Variants in COQ8A observed in about 807,000 individuals in gnomAD.
COQ8A encodes the protein atypical kinase COQ8A, mitochondrial.
Under a neutral mutation model 65.0 loss-of-function variants are expected in COQ8A, and 51 were observed. The ratio of observed to expected loss-of-function variants is 0.78; its 90% confidence interval spans 0.63 to 0.99. COQ8A has a LOEUF of 0.99. COQ8A is among the 50% of genes least tolerant of loss of function. The pLI is 0.00. For missense variants in COQ8A, 940 were observed against 875.0 expected, an observed-to-expected ratio of 1.07 and a Z score of -0.94; for synonymous variants, 371 against 353.2, an observed-to-expected ratio of 1.05 and a Z score of -0.57.
intron 11 of COQ8A, 75 bp from the exon 12 acceptor site, chr1:226,984,473 C>A: frequency 7.1e-7 from 1 of 1,403,404 alleles, no homozygotes; most frequent in Non-Finnish European, 1.0e-6. Context: ...GAGGCAGGGG[C>A]TTCTCTGGCC....
chr1:226,983,888 C>T lies in COQ8A; in HGVS notation c.1256+34C>T, dbSNP rs546725116. On this transcript the variant is annotated intron_variant, in intron 10 of 14. Coordinates refer to ENST00000366777, the MANE Select transcript of COQ8A (RefSeq NM_020247.5). Reference sequence around the variant, plus strand: ...CCCGGCCGGGCCCCTTGCGTGTTTGCACCAGGGAGGCAGAAGGGACCATGT... The same window carrying T: ...CCCGGCCGGGCCCCTTGCGTGTTTGTACCAGGGAGGCAGAAGGGACCATGT... The T allele has an allele frequency of 3.1e-6, 5 of 1,595,842 alleles. No individual in the cohort carries two copies. The African/African-American group carries it at 6.7e-5, about 21-fold the overall frequency.
intron 5 of COQ8A, among the ~76,000 whole-genome samples, chr1:226,981,378 A>G (rs1333414541): frequency 2.0e-5 from 3 of 152,156 alleles, no homozygotes; most frequent in African/African-American, 4.8e-5. Flanking sequence ...TGGACTGGAA[A>G]AAGGCCACCT....
At position 226,984,721 on chromosome 1, in the gene COQ8A, CCCTGGACTGCCCCTTGT is replaced by C; in HGVS notation, c.1506+72_1506+88del. ...GCTTCTCCGAATGGGGCACGTGAGG[CCCTGGACTGCCCCTTGT>C]CCTGGGAAAGTCAGCAGAGAGCTCA... On this transcript the variant is annotated intron_variant, in intron 12 of 14. Coordinates refer to ENST00000366777, the MANE Select transcript of COQ8A (RefSeq NM_020247.5). The C allele has an allele frequency of 2.6e-6, 4 of 1,527,266 alleles. No individual in the cohort carries two copies. The South Asian group carries it at 4.5e-5, about 17-fold the overall frequency. 94.6% of individuals were successfully genotyped at this position (1,527,266 alleles called of 1,614,324 possible). A position where few individuals can be genotyped will look rare whatever the true frequency, so the allele number is the denominator to read the frequency against.
chr1:226,978,159 A>G (rs532874730), intron 5 of COQ8A, among the ~76,000 whole-genome samples: 1 of 144,292 alleles, frequency 6.9e-6, no homozygotes, highest in South Asian at 2.2e-4. Flanking sequence ...CCCTCCACAC[A>G]CCCACGCACC....
At chr1:226,980,709 A>G (rs1305381027) in intron 5 of COQ8A, among the ~76,000 whole-genome samples, 1 of 152,048 alleles carries the variant, frequency 6.6e-6, no homozygotes, top group Non-Finnish European at 1.5e-5. Context: ...AACATCTCCC[A>G]CCTTCACAGG....
intron 5 of COQ8A, among the ~76,000 whole-genome samples, chr1:226,981,773 T>C (rs966581301): frequency 2.6e-5 from 4 of 152,166 alleles, no homozygotes; most frequent in Admixed American, 2.0e-4. Flanking sequence ...GCCCTTTGTG[T>C]GTGTGCGTTT....
chr1:226,986,534 CAG>C lies in COQ8A; in HGVS notation c.1744_1745del (p.Ser582HisfsTer147). On this transcript the variant is annotated frameshift_variant, in exon 15 of 15. Coordinates refer to ENST00000366777, the MANE Select transcript of COQ8A (RefSeq NM_020247.5). LOFTEE classifies it high-confidence loss of function. ...ASDEPFDFGT[Q>X]STTEKIHNLI... ...TGATGAGCCTTTTGATTTTGGCACT[CAG>C]AGCACCACCGAGAAGATCCACAACC... 1.9e-6 allele frequency: 3 copies of C among 1,606,666 alleles called. No individual in the cohort carries two copies. The highest frequency in any genetic ancestry group is 1.1e-5 in the South Asian group (1 of 90,622).
chr1:226,949,334 G>C lies in COQ8A; in HGVS notation c.-10+8935G>C, dbSNP rs772089739. On this transcript the variant is annotated intron_variant, in intron 1 of 14. Transcript: ENST00000366777. The surrounding 1 kb of genome is among the most constrained non-coding windows in gnomAD (Gnocchi z 4.0). ...AGCAACGCGTTGGCATGATGAACGT[G>C]GGTTTTTTTATAGGGAGAGGAATCT... 1.3e-5 allele frequency among the ~76,000 whole-genome samples: 2 copies of C among 152,000 alleles called. No individual in the cohort carries two copies. The highest frequency in any genetic ancestry group is 2.9e-5 in the Non-Finnish European group (2 of 68,014).
At chr1:226,962,379 C>A (rs958089541) in intron 2 of COQ8A, among the ~76,000 whole-genome samples, 1 of 152,204 alleles carries the variant, frequency 6.6e-6, no homozygotes, top group South Asian at 2.1e-4. Flanking sequence ...TCAGTGAAAT[C>A]GTGTGCTGGA....
intron 4 of COQ8A, among the ~76,000 whole-genome samples, chr1:226,967,545 CTGG>C (rs1218864210): frequency 6.6e-6 from 1 of 152,180 alleles, no homozygotes; most frequent in Non-Finnish European, 1.5e-5. Flanking sequence ...CCACGAAGTC[CTGG>C]CGAAGGAGGC....
At chr1:226,983,453 G>A in intron 8 of COQ8A, 99 bp from the exon 9 acceptor site, 2 of 1,142,244 alleles carry the variant, frequency 1.8e-6, no homozygotes, top group South Asian at 1.3e-5. Context: ...CTGGGGCCAG[G>A]ACACAGCTGG....
chr1:226,957,036 T>C (rs1199743674), intron 1 of COQ8A, among the ~76,000 whole-genome samples: 2 of 138,016 alleles, frequency 1.4e-5, no homozygotes, highest in Non-Finnish European at 3.1e-5. Flanking sequence ...TCGTTCACAC[T>C]CTCCCTGGCT....
chr1:226,977,041 C>A (rs957738910), intron 4 of COQ8A, among the ~76,000 whole-genome samples: 1 of 152,160 alleles, frequency 6.6e-6, no homozygotes, highest in Non-Finnish European at 1.5e-5. Context: ...AGACCTGAAG[C>A]GGGTGGTTGT....
intron 1 of COQ8A, among the ~76,000 whole-genome samples, chr1:226,945,656 CGCGATGCCTGTTGTAGCT>C (rs1350014322): frequency 2.6e-5 from 4 of 152,180 alleles, no homozygotes; most frequent in Non-Finnish European, 5.9e-5. Flanking sequence ...ATTGTGCTGC[CGCGATGCCTGTTGTAGCT>C]GCTGTTTACA....
At chr1:226,981,460 T>C (rs1023981655) in intron 5 of COQ8A, among the ~76,000 whole-genome samples, 1 of 152,194 alleles carries the variant, frequency 6.6e-6, no homozygotes, top group African/African-American at 2.4e-5. Flanking sequence ...CCTCTGTGGG[T>C]GGACGGGAGA....
chr1:226,985,357 GGGA>G lies in COQ8A; in HGVS notation c.1659+18_1659+20del, dbSNP rs781216331. ...GAGGTCAAGGTGAGCAGGGTTGCGG[GGGA>G]TCCCCTGGGCCTGCTGACCCAGGGC... On this transcript the variant is annotated intron_variant, in intron 14 of 14. Transcript: ENST00000366777. 8 of 1,612,466 alleles carry G rather than the reference GGGA, an allele frequency of 5.0e-6. No homozygotes were observed. Among genetic ancestry groups the G allele is most frequent in the Non-Finnish European group, 6.8e-6 (8 of 1,179,348 alleles).
intron 2 of COQ8A, among the ~76,000 whole-genome samples, chr1:226,962,296 C>T (rs978049025): frequency 3.3e-5 from 5 of 152,216 alleles, no homozygotes; most frequent in African/African-American, 1.2e-4. Flanking sequence ...ATCCCTGTGC[C>T]ATCTAGGGGA....
chr1:226,945,457 C>G (rs186098426), intron 1 of COQ8A, among the ~76,000 whole-genome samples: 1 of 152,192 alleles, frequency 6.6e-6, no homozygotes, highest in Non-Finnish European at 1.5e-5. Flanking sequence ...GTGCTTGGCA[C>G]ATTTTTTGTT....
Position 226,983,800 on chromosome 1 carries a change from A to T in COQ8A, c.1202A>T (p.Glu401Val). The stretch of plus-strand genomic sequence containing the variant: ...CACCTGATCGACGTGCTGAGGCGGG[A>T]GCTGGCCCTGGAGTGTGACTACCAG... ...PEHLIDVLRRELALECDYQRE... is the reference protein window; with the variant it reads ...PEHLIDVLRRVLALECDYQRE... The change falls in exon 10 of 15, where the codon GAG (glutamate) becomes GTG (valine). Residue 401 changes from glutamate to valine, a missense_variant. Glu to Val is a moderately radical substitution (Grantham distance 121). Coordinates refer to ENST00000366777, the MANE Select transcript of COQ8A (RefSeq NM_020247.5). 1 of 1,612,526 alleles carries T rather than the reference A, an allele frequency of 6.2e-7. No individual in the cohort carries two copies. The highest frequency in any genetic ancestry group is 8.5e-7 in the Non-Finnish European group (1 of 1,179,976).
Sources: gnomAD v4.1 joint callset for allele counts (sites outside exome capture counted in the v4.1 genomes callset) on GRCh38, gnomAD v4.1.1 for gene constraint, Gnocchi (gnomAD v3.1) non-coding constraint, MANE v1.5 for transcripts, NCBI Gene and HGNC (gene_info 2026-07-23, HGNC 2026-07-21) for gene names.